The following FSTL5 variants were observed in gnomAD, a reference collection of about 807,000 sequenced individuals.
FSTL5 encodes the protein follistatin like 5.
A neutral mutation model predicts 89.1 loss-of-function variants in FSTL5; 62 were observed. The ratio of observed to expected loss-of-function variants is 0.70; its 90% CI spans 0.57 to 0.86. The LOEUF is 0.86. Ranked by LOEUF, FSTL5 falls within the 40% of genes least tolerant of loss-of-function variation. The probability of loss-of-function intolerance (pLI) is 0.00; values close to 1 mark genes in which losing one functional copy is unlikely to be tolerated. For synonymous variants in FSTL5, 383 were observed against 346.2 expected (o/e 1.11, Z -1.18); for missense variants, 1,057 against 1,001.6 (o/e 1.06, Z -0.75).
At chr4:162,027,044 C>A (rs2111176941) in intron 3 of FSTL5, among the ~76,000 whole-genome samples, 1 of 152,186 alleles carries the variant, frequency 6.6e-6, no homozygotes, top group South Asian at 2.1e-4. Context: ...GTTTGCATAA[C>A]ATGAATTGAG....
chr4:161,474,770 C>T (rs1242674167), intron 13 of FSTL5, among the ~76,000 whole-genome samples: 2 of 152,098 alleles, frequency 1.3e-5, no homozygotes, highest in Non-Finnish European at 2.9e-5. Flanking sequence ...TGGTCTCAAT[C>T]TCCTGACCTC....
At chr4:161,395,709 C>T (rs562946997) in intron 15 of FSTL5, among the ~76,000 whole-genome samples, 2 of 151,930 alleles carry the variant, frequency 1.3e-5, no homozygotes, top group Admixed American at 6.6e-5. Context: ...ACATATTATA[C>T]AGGTTCTAGA....
intron 10 of FSTL5, among the ~76,000 whole-genome samples, chr4:161,512,544 G>A (rs1423152155): frequency 3.3e-5 from 5 of 151,778 alleles, no homozygotes; most frequent in African/African-American, 1.2e-4. Context: ...TGAAGTGAAG[G>A]GTATGATTCA....
In FSTL5 at chr4:161,863,752, G is replaced by T. The variant is rs577669943; in HGVS notation, c.409+56652C>A. 5.3e-4 allele frequency among the ~76,000 whole-genome samples: 81 copies of T among 152,172 alleles called. 1 individual carries two copies. Among genetic ancestry groups the T allele is most frequent in the South Asian group, 3.1e-3 (15 of 4,820 alleles). ...CCACAATTCTACCTAACTTTCCCTT[G>T]ACGGCTACAGACCTGCCACCAGTGA... On this transcript the variant is annotated intron_variant, in intron 4 of 15. Transcript: ENST00000306100.
intron 8 of FSTL5, among the ~76,000 whole-genome samples, chr4:161,560,380 C>T (rs1401288479): frequency 6.6e-6 from 1 of 151,808 alleles, no homozygotes; most frequent in African/African-American, 2.4e-5. Flanking sequence ...AAACACTGAA[C>T]ACTCAGGCTA....
At chr4:161,454,422 C>T (rs777565213) in intron 15 of FSTL5, among the ~76,000 whole-genome samples, 7 of 152,108 alleles carry the variant, frequency 4.6e-5, no homozygotes, top group Admixed American at 6.5e-5. Context: ...ATTACTTTTC[C>T]GCCTCTTGTA....
At chr4:162,105,703 T>C (rs1731200403) in intron 2 of FSTL5, among the ~76,000 whole-genome samples, 1 of 152,202 alleles carries the variant, frequency 6.6e-6, no homozygotes, top group Non-Finnish European at 1.5e-5. Flanking sequence ...ATATATTAAT[T>C]GGTATAATCC....
intron 15 of FSTL5, among the ~76,000 whole-genome samples, chr4:161,397,467 G>A (rs1289688711): frequency 6.6e-6 from 1 of 151,474 alleles, no homozygotes; most frequent in East Asian, 1.9e-4. Context: ...AGTGGGTTGA[G>A]CTAAACACTG....
chr4:161,974,207 C>A (rs1290198178), intron 3 of FSTL5, among the ~76,000 whole-genome samples: 1 of 152,098 alleles, frequency 6.6e-6, no homozygotes, highest in East Asian at 1.9e-4. Context: ...AGATTCAATG[C>A]CATCCCCATA....
chr4:161,686,542 C>T (rs1273123912), intron 6 of FSTL5, among the ~76,000 whole-genome samples: 7 of 149,460 alleles, frequency 4.7e-5, no homozygotes, highest in Admixed American at 2.0e-4. Context: ...TGGTATTTTT[C>T]GTAGAGACAG....
intron 6 of FSTL5, among the ~76,000 whole-genome samples, chr4:161,724,092 T>C (rs1042527794): frequency 1.3e-5 from 2 of 151,976 alleles, no homozygotes; most frequent in Non-Finnish European, 2.9e-5. Flanking sequence ...TATTAGTAGA[T>C]TAAAAACTGT....
At chr4:161,784,853 C>A (rs577139538) in intron 4 of FSTL5, among the ~76,000 whole-genome samples, 92 of 129,406 alleles carry the variant, frequency 7.1e-4, no homozygotes, top group African/African-American at 2.5e-3. Context: ...AAGATCGCGC[C>A]ACTGCACTCC....
chr4:161,656,400 T>A lies in FSTL5; in HGVS notation c.822A>T (p.Gly274=), dbSNP rs756227352. ...TCCAGATAATGGGAGGTCTCAGGGT[T>A]CCTTGAATGGCACAGCTCAGAACAG... The part of the protein sequence containing the change: ...QSAVLSCAIQ[G]TLRPPIIWKR... Residue 274 remains glycine (G), a synonymous_variant, in exon 7 of 16, where the codon GGA becomes GGT. Coordinates refer to ENST00000306100, the MANE Select transcript of FSTL5 (RefSeq NM_020116.5). The A allele has an allele frequency of 3.1e-6, 5 of 1,610,642 alleles. No individual in the cohort carries two copies. Among genetic ancestry groups the A allele is most frequent in the African/African-American group, 1.3e-5 (1 of 74,772 alleles).
intron 3 of FSTL5, among the ~76,000 whole-genome samples, chr4:161,999,453 A>G (rs1026395507): frequency 6.6e-6 from 1 of 152,206 alleles, no homozygotes; most frequent in East Asian, 1.9e-4. Context: ...ATATACATTT[A>G]TATTGATAAG....
intron 3 of FSTL5, among the ~76,000 whole-genome samples, chr4:161,936,801 C>A (rs1408248949): frequency 6.6e-6 from 1 of 152,122 alleles, no homozygotes; most frequent in African/African-American, 2.4e-5. Flanking sequence ...CAGCCCTCTA[C>A]CACAGTGCAT....
At chr4:161,525,343 T>C (rs1262984550) in intron 10 of FSTL5, among the ~76,000 whole-genome samples, 2 of 152,184 alleles carry the variant, frequency 1.3e-5, no homozygotes, top group Non-Finnish European at 2.9e-5. Flanking sequence ...TGCAGAACTT[T>C]TATTATCCTA....
intron 1 of FSTL5, among the ~76,000 whole-genome samples, chr4:162,141,907 A>T (rs1732763598): frequency 6.6e-6 from 1 of 152,124 alleles, no homozygotes; most frequent in Non-Finnish European, 1.5e-5. Context: ...AAGTGTACAC[A>T]GGTAGAAAAA....
chr4:161,887,629 T>C (rs1261550688), intron 4 of FSTL5, among the ~76,000 whole-genome samples: 1 of 152,154 alleles, frequency 6.6e-6, no homozygotes, highest in Non-Finnish European at 1.5e-5. Flanking sequence ...CTCTTCATAT[T>C]TTTTAGGATT....
Position 161,483,241 on chromosome 4 carries a change from C to T in FSTL5, c.1459-2072G>A, listed in dbSNP as rs185273566. Among the ~76,000 whole-genome samples the T allele has an allele frequency of 5.0e-3, 768 of 152,180 alleles. 4 individuals are homozygous for T. Among genetic ancestry groups the T allele is most frequent in the Non-Finnish European group, 9.0e-3 (613 of 68,004 alleles). ...ATCTATTTTGCGAGAAACAAACACT[C>T]GATAAAATATGTACTTGAGAGGCAT... On this transcript the variant is annotated intron_variant, in intron 12 of 15. Coordinates refer to ENST00000306100, the MANE Select transcript of FSTL5 (RefSeq NM_020116.5).
Sources: gnomAD v4.1 joint callset for allele counts (sites outside exome capture counted in the v4.1 genomes callset) on GRCh38, gnomAD v4.1.1 for gene constraint, MANE v1.5 for transcripts, NCBI Gene and HGNC (gene_info 2026-07-23, HGNC 2026-07-21) for gene names.